Variants in ABCA9 observed in about 807,000 individuals in gnomAD.
The protein encoded by ABCA9 is ATP binding cassette subfamily A member 9, also known as ATP-binding cassette sub-family A member 9.
In ABCA9, 183 loss-of-function variants were observed where a neutral mutation model predicts 205.3. That is an observed-to-expected ratio of 0.89 (90% CI 0.79 to 1.01). ABCA9 has a LOEUF of 1.01. Ranked by LOEUF, ABCA9 falls within the 50% of genes least tolerant of loss-of-function variation. The pLI is 0.00. For missense variants in ABCA9, 1,805 were observed against 1,912.4 expected, an observed-to-expected ratio of 0.94 and a Z score of 1.05; for synonymous variants, 651 against 683.3, an observed-to-expected ratio of 0.95 and a Z score of 0.74.
chr17:69,025,603 A>C (rs779503205), intron 16 of ABCA9, among the ~76,000 whole-genome samples: 2 of 152,188 alleles, frequency 1.3e-5, no homozygotes, highest in African/African-American at 2.4e-5. Flanking sequence ...ATAGATTGGT[A>C]GATTTGATCA....
chr17:69,063,426 G>C (rs554346329), upstream of ABCA9, among the ~76,000 whole-genome samples: 3 of 152,270 alleles, frequency 2.0e-5, no homozygotes, highest in East Asian at 5.8e-4. Flanking sequence ...AACCTGATCT[G>C]TAAAGAGAGA....
chr17:69,060,682 A>G (rs2072215363), intron 1 of ABCA9, among the ~76,000 whole-genome samples, 184 bp downstream of exon 1: 1 of 152,202 alleles, frequency 6.6e-6, no homozygotes, highest in African/African-American at 2.4e-5. Flanking sequence ...AAAAATTTAA[A>G]TTCTTAGTTC....
At chr17:68,976,100 C>T in intron 38 of ABCA9, 35 bp downstream of exon 38, 1 of 1,603,082 alleles carries the variant, frequency 6.2e-7, no homozygotes, top group Non-Finnish European at 8.5e-7. Context: ...CATGTATATT[C>T]CATGGATGAT....
At chr17:69,016,102 G>GTATATA (rs369501172) in intron 22 of ABCA9, 151 bp downstream of exon 22, 8 of 263,476 alleles carry the variant, frequency 3.0e-5, no homozygotes, top group African/African-American at 9.8e-5. Context: ...ATGTGTGTGT[G>GTATATA]TATATATATA....
intron 10 of ABCA9, among the ~76,000 whole-genome samples, chr17:69,031,750 G>A (rs2071157060): frequency 6.6e-6 from 1 of 152,158 alleles, no homozygotes; most frequent in Non-Finnish European, 1.5e-5. Context: ...TAATAAAAAA[G>A]GGGGTTGAGA....
At chr17:69,056,186 G>A (rs999948598) in intron 1 of ABCA9, among the ~76,000 whole-genome samples, 12 of 151,884 alleles carry the variant, frequency 7.9e-5, no homozygotes, top group African/African-American at 1.7e-4. Flanking sequence ...TCAATGAAAC[G>A]GAAAACAGGA....
intron 6 of ABCA9, among the ~76,000 whole-genome samples, chr17:69,038,973 A>G (rs1359185151): frequency 2.0e-5 from 3 of 152,180 alleles, no homozygotes; most frequent in Admixed American, 2.0e-4. Flanking sequence ...ATTGCTACAA[A>G]GAGAATAAAA....
intron 1 of ABCA9, among the ~76,000 whole-genome samples, chr17:69,055,163 C>T (rs1225964170): frequency 6.6e-6 from 1 of 152,126 alleles, no homozygotes; most frequent in Admixed American, 6.5e-5. Context: ...TCAATAATCA[C>T]TTTGATCATC....
At chr17:68,989,256 T>TCTCTCTCTCA (rs138281321) in intron 30 of ABCA9, 138 bp from the exon 31 acceptor site, 181 of 243,090 alleles carry the variant, frequency 7.4e-4, no homozygotes, top group Middle Eastern at 1.5e-3. Flanking sequence ...TCTCTCTCTC[T>TCTCTCTCTCA]CACACACACA....
the ABCA9 span, among the ~76,000 whole-genome samples, chr17:69,077,951 A>C: frequency 6.6e-6 from 1 of 152,134 alleles, no homozygotes; most frequent in Non-Finnish European, 1.5e-5. Context: ...ACATACACTT[A>C]TATAAGGGAG....
rs1038113066 is a variant in ABCA9, at chr17:69,053,910, T to C, written c.-13-2771A>G. Among the ~76,000 whole-genome samples, 15 of 151,888 alleles carry C rather than the reference T, an allele frequency of 9.9e-5. No homozygotes were observed. The East Asian group carries it at 2.7e-3, about 28-fold the overall frequency. On this transcript the variant is annotated intron_variant, in intron 1 of 38. Coordinates refer to ENST00000340001, the MANE Select transcript of ABCA9 (RefSeq NM_080283.4). Reference sequence around the variant, plus strand: ...TTTTCAAACTACAGAAAATCAAAGATAAAGAAAAAAATCTTAAAGAAGCCA... The same window carrying C: ...TTTTCAAACTACAGAAAATCAAAGACAAAGAAAAAAATCTTAAAGAAGCCA...
At chr17:68,990,729 G>A in intron 29 of ABCA9, 108 bp downstream of exon 29, 5 of 1,375,882 alleles carry the variant, frequency 3.6e-6, no homozygotes, top group Non-Finnish European at 5.0e-6. Context: ...AGCTGTATGT[G>A]TAAGAATGAA....
At chr17:69,027,551 G>T (rs1285181564) in intron 13 of ABCA9, 89 bp downstream of exon 13, 7 of 1,556,642 alleles carry the variant, frequency 4.5e-6, no homozygotes, top group African/African-American at 1.4e-5. Context: ...CTGAAATTTA[G>T]ATGAGGAATT....
chr17:69,047,468 C>G (rs2071755175), intron 3 of ABCA9, among the ~76,000 whole-genome samples: 1 of 151,716 alleles, frequency 6.6e-6, no homozygotes, highest in African/African-American at 2.4e-5. Context: ...CAAGTCCTTC[C>G]CTGACCAGGC....
At position 68,995,925 on chromosome 17, in the gene ABCA9, T is replaced by C. The variant is rs764261979; in HGVS notation, c.3525A>G (p.Thr1175=). 1.2e-6 allele frequency: 2 copies of C among 1,613,784 alleles called. No homozygotes were observed. The highest frequency in any genetic ancestry group is 1.7e-6 in the Non-Finnish European group (2 of 1,179,944). The change falls in exon 26 of 39, where the codon ACA becomes ACG. Residue 1175 remains threonine, a synonymous_variant. Transcript: ENST00000340001. The stretch of plus-strand genomic sequence containing the variant: ...AAAAAATGAATAGAGAGCCAATCAA[T>C]GTGAAGGGAGGTATTAACATGGTGC... The part of the protein sequence containing the change: ...FFGTMLIPPF[T]LIGSLFIFSE...
rs1333048806 is a variant in ABCA9 at position 68,992,152 on chromosome 17, A to C, written c.3716+23T>G. On this transcript the variant is annotated intron_variant, in intron 28 of 38. Transcript: ENST00000340001. Reference sequence around the variant, plus strand: ...AGAATGAATATCAAAATGAAACATGAAATTCGATTTGATTTTCTCAACCTG... The same window carrying C: ...AGAATGAATATCAAAATGAAACATGCAATTCGATTTGATTTTCTCAACCTG... 5 of 1,485,840 alleles carry C rather than the reference A, an allele frequency of 3.4e-6. No individual in the cohort carries two copies. In the African/African-American group the frequency reaches 7.0e-5, roughly 21 times the overall value. 92.0% of individuals were successfully genotyped at this position (1,485,840 alleles called of 1,614,324 possible). A position where few individuals can be genotyped will look rare whatever the true frequency, so the allele number is the denominator to read the frequency against.
At chr17:68,996,670 G>C (rs1014344940) in intron 25 of ABCA9, among the ~76,000 whole-genome samples, 5 of 152,062 alleles carry the variant, frequency 3.3e-5, no homozygotes, top group African/African-American at 1.2e-4. Context: ...TGACACAGGA[G>C]GTCATATTAT....
the ABCA9 span, among the ~76,000 whole-genome samples, chr17:69,071,626 G>A: frequency 1.3e-5 from 2 of 152,132 alleles, no homozygotes; most frequent in African/African-American, 4.8e-5. Flanking sequence ...ATAAATCCAC[G>A]AAGATGAGGA....
intron 35 of ABCA9, 23 bp downstream of exon 35, chr17:68,984,033 C>T (rs751470732): frequency 4.3e-6 from 7 of 1,613,718 alleles, no homozygotes; most frequent in Admixed American, 3.3e-5. Flanking sequence ...AGGGGCTGAG[C>T]GCCGGCTTGG....
Sources: allele counts gnomAD v4.1 joint callset (sites outside exome capture counted in the v4.1 genomes callset), GRCh38; gene constraint gnomAD v4.1.1; transcripts MANE v1.5; gene names NCBI Gene and HGNC (gene_info 2026-07-23, HGNC 2026-07-21).